The following NAXD variants were observed in gnomAD, a reference collection of about 807,000 sequenced individuals.
NAXD encodes ATP-dependent (S)-NAD(P)H-hydrate dehydratase.
In NAXD, 22 loss-of-function variants were observed where a neutral mutation model predicts 35.8. The ratio of observed to expected loss-of-function variants is 0.62; its 90% CI spans 0.44 to 0.88. The LOEUF is 0.88. NAXD is among the 40% of genes least tolerant of loss of function. The pLI is 0.00. For synonymous variants in NAXD, 189 were observed against 177.6 expected (o/e 1.06, Z -0.51); for missense variants, 428 against 437.7 (o/e 0.98, Z 0.20).
Position 110,628,610 on chromosome 13 carries a change from T to C in NAXD, c.441+1063T>C, listed in dbSNP as rs769344482. On this transcript the variant is annotated intron_variant, in intron 5 of 9. Coordinates refer to ENST00000680254, the MANE Select transcript of NAXD (RefSeq NM_001242882.2). This position sits in a 1 kb window ranked among gnomAD's most constrained non-coding sequence, Gnocchi z 4.1. ...ATCTGAGGGGCAGGCAGACGCAGGC[T>C]GACACTGCACAGACCAGGAAAAGCG... is the stretch of plus-strand genomic sequence containing the variant. 6.6e-6 allele frequency among the ~76,000 whole-genome samples: 1 copy of C among 152,146 alleles called. No individual in the cohort carries two copies. Among genetic ancestry groups the C allele is most frequent in the Admixed American group, 6.5e-5 (1 of 15,270 alleles).
rs764465800 is a variant in NAXD at position 110,634,717 on chromosome 13, T to G, written c.538T>G (p.Tyr180Asp). The change falls in exon 7 of 10, where the codon TAC (tyrosine) becomes GAC (aspartate). Residue 180 changes from tyrosine (Y) to aspartate (D), a missense_variant. Transcript: ENST00000680254. ...TCAGCAGCCGGCCCTCATCCATGGC[T>G]ACCGGAAGGCTGTGCTCACTCCCAA... ...VAQQPALIHG[Y>D]RKAVLTPNHV... The G allele has an allele frequency of 6.2e-7, 1 of 1,614,172 alleles. No individual in the cohort carries two copies. Among genetic ancestry groups the G allele is most frequent in the Non-Finnish European group, 8.5e-7 (1 of 1,180,034 alleles).
intron 5 of NAXD, among the ~76,000 whole-genome samples, chr13:110,629,990 C>T (rs1460091028): frequency 6.6e-6 from 1 of 152,180 alleles, no homozygotes; most frequent in Non-Finnish European, 1.5e-5. Context: ...AGCATCTTTG[C>T]ATGTGCTCAT....
chr13:110,633,270 C>T (rs571316122), intron 5 of NAXD, among the ~76,000 whole-genome samples: 4 of 152,254 alleles, frequency 2.6e-5, no homozygotes, highest in South Asian at 2.1e-4. Context: ...GCCGCTGGCC[C>T]GGGTGCTAAG....
At chr13:110,617,845 G>A (rs57696811) in intron 1 of NAXD, among the ~76,000 whole-genome samples, 7,064 of 152,306 alleles carry the variant, frequency 0.046, 371 homozygotes, top group African/African-American at 0.13. Context: ...TAAAGTGCTA[G>A]TGAGGAGAGT....
chr13:110,625,999 C>T (rs1044413362), intron 4 of NAXD, among the ~76,000 whole-genome samples: 5 of 152,052 alleles, frequency 3.3e-5, no homozygotes, highest in African/African-American at 7.2e-5. Flanking sequence ...ACGCCTGGGT[C>T]GAGCCCGGCC....
At chr13:110,619,759 C>T (rs1469211297) in intron 1 of NAXD, among the ~76,000 whole-genome samples, 2 of 152,092 alleles carry the variant, frequency 1.3e-5, no homozygotes, top group Non-Finnish European at 2.9e-5. Flanking sequence ...GTGCATAGAA[C>T]AGCTCCCCAC....
rs150141078 is a variant in NAXD at position 110,638,565 on chromosome 13, G to C, written c.*37G>C. On this transcript the variant is annotated 3_prime_UTR_variant, in exon 10 of 10. Transcript: ENST00000680254. This position sits in a 1 kb window ranked among gnomAD's most constrained non-coding sequence, Gnocchi z 5.4. ...CCAGAAGTAAACAGGCACCTTGGACGGGGGAGAGCGTGTGTGTGATGGGAA... is the reference window on the plus strand; with the variant it reads ...CCAGAAGTAAACAGGCACCTTGGACCGGGGAGAGCGTGTGTGTGATGGGAA... 2 of 1,608,418 alleles carry C rather than the reference G, an allele frequency of 1.2e-6. No individual in the cohort carries two copies. The highest frequency in any genetic ancestry group is 1.1e-5 in the South Asian group (1 of 91,002).
In NAXD at chr13:110,633,215, T is replaced by C. The variant is rs563199541; in HGVS notation, c.442-1330T>C. Among the ~76,000 whole-genome samples, 73 of 151,932 alleles carry C rather than the reference T, an allele frequency of 4.8e-4. 1 individual carries two copies. In the Middle Eastern group the frequency reaches 0.014, roughly 28 times the overall value. On this transcript the variant is annotated intron_variant, in intron 5 of 9. Coordinates refer to ENST00000680254, the MANE Select transcript of NAXD (RefSeq NM_001242882.2). ...AGGCCCGGTGAGAAATTGAGCACAG[T>C]GCCGGTGGGCTGGCACTGCTGCAGG... is the stretch of plus-strand genomic sequence containing the variant.
In NAXD at chr13:110,638,132, T is replaced by C. The variant is rs1402718216; in HGVS notation, c.840-246T>C. On this transcript the variant is annotated intron_variant, in intron 9 of 9. Coordinates refer to ENST00000680254, the MANE Select transcript of NAXD (RefSeq NM_001242882.2). This position sits in a 1 kb window ranked among gnomAD's most constrained non-coding sequence, Gnocchi z 5.4. ...GGAACACCTGGCCCACTGTGTGCCC[T>C]AGCCCTGGACCTGTCTCCGAGTACA... 4 of 1,122,726 alleles carry C rather than the reference T, an allele frequency of 3.6e-6. No homozygotes were observed. The highest frequency in any genetic ancestry group is 1.5e-5 in the South Asian group (1 of 66,316). The allele number at this position is 1,122,726 out of a possible 1,614,324, so 69.5% of individuals were successfully genotyped here.
chr13:110,634,711 C>T lies in NAXD; in HGVS notation c.532C>T (p.His178Tyr). ...WLVAQQPALI[H>Y]GYRKAVLTPN... is the part of the protein sequence containing the mutation. Reference sequence around the variant, plus strand: ...GGTCGCTCAGCAGCCGGCCCTCATCCATGGCTACCGGAAGGCTGTGCTCAC... The same window carrying T: ...GGTCGCTCAGCAGCCGGCCCTCATCTATGGCTACCGGAAGGCTGTGCTCAC... Residue 178 changes from histidine to tyrosine, a missense_variant, in exon 7 of 10, where the codon CAT becomes TAT. By Grantham distance (83) the His-to-Tyr change is moderately conservative (BLOSUM62 2). This residue lies in a region of NAXD where 209 missense variants were observed against 214.6 expected (regional missense o/e 0.97). Coordinates refer to ENST00000680254, the MANE Select transcript of NAXD (RefSeq NM_001242882.2). The T allele has an allele frequency of 1.9e-6, 3 of 1,614,192 alleles. No homozygotes were observed. Among genetic ancestry groups the T allele is most frequent in the Non-Finnish European group, 2.5e-6 (3 of 1,180,046 alleles).
intron 1 of NAXD, among the ~76,000 whole-genome samples, chr13:110,617,534 G>T (rs1194447248): frequency 1.3e-5 from 2 of 152,236 alleles, no homozygotes; most frequent in Non-Finnish European, 2.9e-5. Flanking sequence ...GTGCTGGGAA[G>T]TTTAGTTGAC....
Position 110,625,246 on chromosome 13 carries a change from C to T in NAXD, c.300C>T (p.Ala100=), listed in dbSNP as rs564778908. The part of the protein sequence containing the change: ...CASAAAPVIK[A]YSPELIVHPV... Reference sequence around the variant, plus strand: ...GTGCGGCCGCACCTGTGATTAAGGCCTACAGCCCGGAGCTGATCGTCCACC... The same window carrying T: ...GTGCGGCCGCACCTGTGATTAAGGCTTACAGCCCGGAGCTGATCGTCCACC... Residue 100 remains alanine, a synonymous_variant, in exon 4 of 10, where the codon GCC becomes GCT. Transcript: ENST00000680254. The T allele has an allele frequency of 1.9e-6, 3 of 1,613,828 alleles. No individual in the cohort carries two copies. The East Asian group carries it at 6.7e-5, about 36-fold the overall frequency.
Position 110,628,959 on chromosome 13 carries a change from G to T in NAXD, c.441+1412G>T, listed in dbSNP as rs142688440. 1.6e-3 allele frequency among the ~76,000 whole-genome samples: 237 copies of T among 150,754 alleles called. 2 individuals carry two copies. Among genetic ancestry groups the T allele is most frequent in the Non-Finnish European group, 2.6e-3 (174 of 68,026 alleles). On this transcript the variant is annotated intron_variant, in intron 5 of 9. Coordinates refer to ENST00000680254, the MANE Select transcript of NAXD (RefSeq NM_001242882.2). The surrounding 1 kb of genome is among the most constrained non-coding windows in gnomAD (Gnocchi z 4.1). ...ACTGTACTGCGTGGAAGTGTGAAAGGTGGGAAGTGAGGGTGTGCGTCGCTG... is the reference window on the plus strand; with the variant it reads ...ACTGTACTGCGTGGAAGTGTGAAAGTTGGGAAGTGAGGGTGTGCGTCGCTG...
chr13:110,626,220 T>C (rs1247441263), intron 4 of NAXD, among the ~76,000 whole-genome samples: 1 of 151,272 alleles, frequency 6.6e-6, no homozygotes, highest in Admixed American at 6.6e-5. Flanking sequence ...TAAGGACCTG[T>C]GGGAGGGAAG....
intron 5 of NAXD, among the ~76,000 whole-genome samples, chr13:110,630,511 GT>G (rs1310840450): frequency 2.6e-5 from 4 of 152,134 alleles, no homozygotes; most frequent in Admixed American, 2.6e-4. Context: ...CACTTCGATG[GT>G]TTTGTTTACA....
chr13:110,625,317 C>T, intron 4 of NAXD, 39 bp downstream of exon 4: 1 of 1,391,558 alleles, frequency 7.2e-7, no homozygotes, highest in South Asian at 1.2e-5. Flanking sequence ...GGTTCTCTTT[C>T]CCTCCTGCAT....
Position 110,622,327 on chromosome 13 carries a change from G to C in NAXD, c.158G>C (p.Gly53Ala), listed in dbSNP as rs754339527. ...CCTCTGTCTTCCACAAAGCACAAAG[G>C]GCAAGATGGAAGAATAGGCGTAGTT... ...IPPLSSTKHKGQDGRIGVVGG... is the reference protein window; with the variant it reads ...IPPLSSTKHKAQDGRIGVVGG... The change falls in exon 2 of 10, where the codon GGG (glycine) becomes GCG (alanine). Residue 53 changes from glycine (G) to alanine (A), a missense_variant. Coordinates refer to ENST00000680254, the MANE Select transcript of NAXD (RefSeq NM_001242882.2). The C allele has an allele frequency of 1.2e-6, 2 of 1,614,156 alleles. No individual in the cohort carries two copies. The highest frequency in any genetic ancestry group is 3.3e-5 in the Admixed American group (2 of 60,016).
chr13:110,636,462 T>G (rs545103536), intron 8 of NAXD, among the ~76,000 whole-genome samples: 1 of 152,200 alleles, frequency 6.6e-6, no homozygotes, highest in African/African-American at 2.4e-5. Context: ...GCTCACAGCC[T>G]CGCACACGCC....
At chr13:110,637,911 C>T (rs77982490) in intron 9 of NAXD, 65,637 of 503,354 alleles carry the variant, frequency 0.13, 5,760 homozygotes, top group Admixed American at 0.33. Flanking sequence ...ATTTGAGAGC[C>T]GAGGAGGTAG....
Sources: allele counts gnomAD v4.1 joint callset (sites outside exome capture counted in the v4.1 genomes callset), GRCh38; gene constraint gnomAD v4.1.1; regional missense constraint gnomAD v4.1.1; non-coding constraint Gnocchi (gnomAD v3.1); transcripts MANE v1.5; gene names NCBI Gene and HGNC (gene_info 2026-07-23, HGNC 2026-07-21).